CACUL1: variants seen among roughly 807,000 people sequenced by gnomAD.
CACUL1 encodes the protein CDK2 associated cullin domain 1.
A neutral mutation model predicts 45.2 loss-of-function variants in CACUL1; 13 were observed. The observed-to-expected ratio is 0.29, with a 90% confidence interval of 0.19 to 0.46. The LOEUF (loss-of-function observed/expected upper bound fraction) is 0.46. Among genes scored for constraint, CACUL1 ranks in the 20% least tolerant of loss-of-function variants. The pLI is 1.00. For synonymous variants in CACUL1, 197 were observed against 174.2 expected, an observed-to-expected ratio of 1.13 and a Z score of -1.03; for missense variants, 421 against 471.4, an observed-to-expected ratio of 0.89 and a Z score of 0.99.
At chr10:118,708,923 T>C (rs1845458407) in intron 3 of CACUL1, among the ~76,000 whole-genome samples, 1 of 152,106 alleles carries the variant, frequency 6.6e-6, no homozygotes, top group African/African-American at 2.4e-5. Flanking sequence ...CAGTTGACCC[T>C]TGAAAAACCG....
chr10:118,740,762 T>A (rs1845784400), intron 1 of CACUL1, among the ~76,000 whole-genome samples: 1 of 151,776 alleles, frequency 6.6e-6, no homozygotes, highest in South Asian at 2.1e-4. Context: ...CCGTCTCTAC[T>A]AAAAATACAA....
chr10:118,752,882 G>C (rs571646753), intron 1 of CACUL1, among the ~76,000 whole-genome samples: 1 of 152,022 alleles, frequency 6.6e-6, no homozygotes, highest in Non-Finnish European at 1.5e-5. Flanking sequence ...AGTTCATAAC[G>C]TTCTTTTTTT....
At chr10:118,695,564 A>T (rs935986435) in intron 5 of CACUL1, among the ~76,000 whole-genome samples, 25 of 152,220 alleles carry the variant, frequency 1.6e-4, no homozygotes, top group African/African-American at 6.0e-4. Flanking sequence ...TGGAGAATAA[A>T]GTATCATATG....
intron 4 of CACUL1, among the ~76,000 whole-genome samples, chr10:118,703,059 T>C (rs909736925): frequency 6.6e-6 from 1 of 152,208 alleles, no homozygotes; most frequent in African/African-American, 2.4e-5. Context: ...CCTGAGCAGC[T>C]GGGATCACAG....
chr10:118,694,564 G>A (rs988295407), intron 6 of CACUL1, among the ~76,000 whole-genome samples: 9 of 152,196 alleles, frequency 5.9e-5, no homozygotes, highest in Non-Finnish European at 1.3e-4. Context: ...CCGGCTTATA[G>A]AAAGATATAT....
intron 1 of CACUL1, among the ~76,000 whole-genome samples, chr10:118,745,974 TA>T (rs1305797647): frequency 7.1e-4 from 80 of 112,082 alleles, no homozygotes; most frequent in South Asian, 1.1e-3. Context: ...CCATCTCTAC[TA>T]AAAAAAAAAA....
intron 3 of CACUL1, among the ~76,000 whole-genome samples, chr10:118,722,221 C>T (rs1487222676): frequency 6.6e-6 from 1 of 151,728 alleles, no homozygotes; most frequent in African/African-American, 2.4e-5. Context: ...GTAGCTGGGA[C>T]TACAGGCATG....
intron 1 of CACUL1, among the ~76,000 whole-genome samples, chr10:118,732,667 C>G (rs1024553480): frequency 1.3e-5 from 2 of 152,096 alleles, no homozygotes; most frequent in Admixed American, 6.5e-5. Flanking sequence ...CCAGAGCTCC[C>G]CACTGGTACT....
intron 5 of CACUL1, among the ~76,000 whole-genome samples, chr10:118,696,509 C>T (rs1160086028): frequency 3.3e-5 from 5 of 152,070 alleles, no homozygotes; most frequent in African/African-American, 9.7e-5. Context: ...CTAGGCGTGG[C>T]GGCAGGCGCC....
At chr10:118,700,716 C>CAAA (rs59032746) in intron 5 of CACUL1, among the ~76,000 whole-genome samples, 2,384 of 132,694 alleles carry the variant, frequency 0.018, 120 homozygotes, top group African/African-American at 0.07. Context: ...GACTCCGTCT[C>CAAA]AAAAAAAAAA....
rs371570659 is a variant in CACUL1 at position 118,700,546 on chromosome 10, T to C, written c.796+760A>G. ...TCCTGGCCAACATGGTGAAACCCCA[T>C]CTCTACTAAAAATAGAAAAAATTAA... On this transcript the variant is annotated intron_variant, in intron 5 of 8. Transcript: ENST00000369151. Among the ~76,000 whole-genome samples the C allele has an allele frequency of 4.6e-5, 7 of 152,056 alleles. No homozygotes were observed. In the South Asian group the frequency reaches 1.0e-3, roughly 23 times the overall value.
intron 3 of CACUL1, among the ~76,000 whole-genome samples, chr10:118,721,330 T>C (rs1845598056): frequency 6.6e-6 from 1 of 152,224 alleles, no homozygotes; most frequent in Non-Finnish European, 1.5e-5. Flanking sequence ...AGTTTATAAA[T>C]AGTGAATCAA....
At chr10:118,729,132 T>A (rs1348467958) in intron 3 of CACUL1, 163 bp downstream of exon 3, 4 of 560,916 alleles carry the variant, frequency 7.1e-6, no homozygotes, top group East Asian at 3.2e-5. Flanking sequence ...AAATTAACAA[T>A]CTATTCCAAA....
intron 3 of CACUL1, among the ~76,000 whole-genome samples, chr10:118,719,632 A>T (rs1329235715): frequency 6.6e-6 from 1 of 152,136 alleles, no homozygotes; most frequent in East Asian, 1.9e-4. Context: ...ACCAACGTGG[A>T]GAAATCCCGT....
At chr10:118,743,252 A>T (rs1282500416) in intron 1 of CACUL1, among the ~76,000 whole-genome samples, 1 of 152,190 alleles carries the variant, frequency 6.6e-6, no homozygotes, top group African/African-American at 2.4e-5. Flanking sequence ...TACAATAACA[A>T]GTGTTATAAC....
Position 118,678,420 on chromosome 10 carries a change from C to A in CACUL1, c.*7708G>T. The A allele has an allele frequency of 6.6e-6, 1 of 152,152 alleles. No homozygotes were observed. Among genetic ancestry groups the A allele is most frequent in the East Asian group, 1.9e-4 (1 of 5,194 alleles). The allele number at this position is 152,152 out of a possible 1,614,324, so 9.4% of individuals were successfully genotyped here. Reference sequence around the variant, plus strand: ...GTGTTAGAATCTTGTAGTGCTAGTTCCCCTCACAATCCATTCAGAAAGGTC... The same window carrying A: ...GTGTTAGAATCTTGTAGTGCTAGTTACCCTCACAATCCATTCAGAAAGGTC... On this transcript the variant is annotated 3_prime_UTR_variant, in exon 9 of 9. Transcript: ENST00000369151.
rs17097958 is a variant in CACUL1, at chr10:118,680,409, A to T, written c.*5719T>A. The T allele has an allele frequency of 6.6e-6, 1 of 152,246 alleles. No homozygotes were observed. Among genetic ancestry groups the T allele is most frequent in the Non-Finnish European group, 1.5e-5 (1 of 68,054 alleles). The allele number at this position is 152,246 out of a possible 1,614,324, so 9.4% of individuals were successfully genotyped here. On this transcript the variant is annotated 3_prime_UTR_variant, in exon 9 of 9. Transcript: ENST00000369151. ...CACATGTGATAACCAAAAAGTAGAT[A>T]ACATCACAACAGAGCTGAGGTCAAA... is the stretch of plus-strand genomic sequence containing the variant.
At chr10:118,690,467 T>C (rs1409317825) in intron 7 of CACUL1, among the ~76,000 whole-genome samples, 10 of 152,292 alleles carry the variant, frequency 6.6e-5, no homozygotes, top group Middle Eastern at 3.4e-3. Flanking sequence ...CAAGATTTTT[T>C]GGGATATGAC....
chr10:118,729,914 G>A (rs939613111), intron 2 of CACUL1, among the ~76,000 whole-genome samples: 4 of 152,178 alleles, frequency 2.6e-5, no homozygotes, highest in African/African-American at 9.7e-5. Context: ...AACAGGAGCT[G>A]AGAAACAAAA....
Sources: allele counts gnomAD v4.1 joint callset (sites outside exome capture counted in the v4.1 genomes callset), GRCh38; gene constraint gnomAD v4.1.1; transcripts MANE v1.5; gene names NCBI Gene and HGNC (gene_info 2026-07-23, HGNC 2026-07-21).